The following PBX1 variants were observed in gnomAD, a reference collection of about 807,000 sequenced individuals.
PBX1 encodes the protein pre-B-cell leukemia transcription factor 1.
Under a neutral mutation model 53.4 loss-of-function variants are expected in PBX1, and 6 were observed. The ratio of observed to expected loss-of-function variants is 0.11; its 90% CI spans 0.06 to 0.22. PBX1 has a LOEUF of 0.22. PBX1 is among the 10% of genes least tolerant of loss of function. The pLI, the probability that PBX1 is intolerant of heterozygous loss-of-function variation, is 1.00. For synonymous variants in PBX1, 204 were observed against 212.3 expected (o/e 0.96, Z 0.34); for missense variants, 251 against 551.4 (o/e 0.46, Z 5.46).
rs1223669819 is a variant in PBX1 at position 164,657,972 on chromosome 1, G to C, written c.265+94661G>C. Among the ~76,000 whole-genome samples the C allele has an allele frequency of 2.0e-5, 3 of 152,096 alleles. No homozygotes were observed. The East Asian group carries it at 5.8e-4, about 29-fold the overall frequency. On this transcript the variant is annotated intron_variant, in intron 2 of 8. Coordinates refer to ENST00000420696, the MANE Select transcript of PBX1 (RefSeq NM_002585.4). ...TAGTAGCTTTGGGTATGGCCTCCTA[G>C]CAGCTTCATTGTTATGCCTGTGGGC...
chr1:164,829,559 A>C (rs956144973), intron 8 of PBX1: 2 of 152,206 alleles, frequency 1.3e-5, no homozygotes, highest in African/African-American at 2.4e-5. Flanking sequence ...TCTCACTTAT[A>C]GGTAGGAACT....
At chr1:164,720,565 G>T (rs889699894) in intron 2 of PBX1, among the ~76,000 whole-genome samples, 1 of 152,184 alleles carries the variant, frequency 6.6e-6, no homozygotes, top group African/African-American at 2.4e-5. Flanking sequence ...GAGAACCCTG[G>T]AGGCTTCTGA....
At chr1:164,589,402 C>T (rs1407376038) in intron 2 of PBX1, among the ~76,000 whole-genome samples, 1 of 152,088 alleles carries the variant, frequency 6.6e-6, no homozygotes, top group East Asian at 1.9e-4. Flanking sequence ...GAAAATGATA[C>T]CTGTGGTGTC....
chr1:164,577,869 C>A (rs1358711899), intron 2 of PBX1, among the ~76,000 whole-genome samples: 1 of 152,204 alleles, frequency 6.6e-6, no homozygotes, highest in East Asian at 1.9e-4. Context: ...CCTAGTAACT[C>A]TGGGGGAGAG....
At chr1:164,824,724 C>T (rs1454122033) in intron 8 of PBX1, among the ~76,000 whole-genome samples, 1 of 152,094 alleles carries the variant, frequency 6.6e-6, no homozygotes, top group African/African-American at 2.4e-5. Context: ...TTTGTGTTCT[C>T]ATGTGACAAT....
Position 164,848,935 on chromosome 1 carries a change from T to C in PBX1, c.*2259T>C, listed in dbSNP as rs1349744611. 1 of 1,074,576 alleles carries C rather than the reference T, an allele frequency of 9.3e-7. No homozygotes were observed. Among genetic ancestry groups the C allele is most frequent in the Non-Finnish European group, 1.1e-6 (1 of 885,566 alleles). The allele number at this position is 1,074,576 out of a possible 1,614,324, so 66.6% of individuals were successfully genotyped here. ...TATTTAGCAAAATGAAATTATGCCTTGATGACTAAAAGGCACTAGAAAGGT... is the reference window on the plus strand; with the variant it reads ...TATTTAGCAAAATGAAATTATGCCTCGATGACTAAAAGGCACTAGAAAGGT... On this transcript the variant is annotated 3_prime_UTR_variant, in exon 9 of 9. Coordinates refer to ENST00000420696, the MANE Select transcript of PBX1 (RefSeq NM_002585.4).
intron 2 of PBX1, among the ~76,000 whole-genome samples, chr1:164,882,680 T>G (rs1672688764): frequency 1.3e-5 from 2 of 152,194 alleles, no homozygotes; most frequent in Non-Finnish European, 2.9e-5. Flanking sequence ...CCTCAAGTGA[T>G]CCTCTCATTT....
At chr1:164,730,875 G>A (rs1384822127) in intron 2 of PBX1, among the ~76,000 whole-genome samples, 1 of 152,196 alleles carries the variant, frequency 6.6e-6, no homozygotes, top group Admixed American at 6.5e-5. Context: ...TCACCCATCT[G>A]TAGATGGTGG....
intron 2 of PBX1, among the ~76,000 whole-genome samples, chr1:164,724,222 G>T (rs897265160): frequency 2.0e-5 from 3 of 152,206 alleles, no homozygotes; most frequent in Non-Finnish European, 4.4e-5. Flanking sequence ...CAGTTCAAAA[G>T]GTCGTAAGTC....
chr1:164,611,372 G>C (rs1382703452), intron 2 of PBX1, among the ~76,000 whole-genome samples: 1 of 152,050 alleles, frequency 6.6e-6, no homozygotes, highest in Non-Finnish European at 1.5e-5. Context: ...CGAGTAGCTG[G>C]GACTACAGGC....
At chr1:164,656,235 A>G (rs1557920450) in intron 2 of PBX1, among the ~76,000 whole-genome samples, 1 of 152,204 alleles carries the variant, frequency 6.6e-6, no homozygotes, top group Non-Finnish European at 1.5e-5. Flanking sequence ...ATGTAACTCT[A>G]GCCAGGTAGC....
chr1:164,761,081 G>A (rs1411349997), intron 2 of PBX1, among the ~76,000 whole-genome samples: 1 of 152,136 alleles, frequency 6.6e-6, no homozygotes, highest in Non-Finnish European at 1.5e-5. Flanking sequence ...AGCAGTGACT[G>A]CATGATTTAT....
At chr1:164,830,630 G>C (rs1467015680) in intron 8 of PBX1, among the ~76,000 whole-genome samples, 1 of 152,038 alleles carries the variant, frequency 6.6e-6, no homozygotes, top group African/African-American at 2.4e-5. Flanking sequence ...AATTCTTCAA[G>C]CCCAAGCAGG....
At chr1:164,564,826 T>TA (rs1653318065) in intron 2 of PBX1, among the ~76,000 whole-genome samples, 1 of 151,570 alleles carries the variant, frequency 6.6e-6, no homozygotes, top group Non-Finnish European at 1.5e-5. Context: ...TATATATATA[T>TA]TTATATATAT....
At chr1:164,869,522 G>A (rs571536484) in intron 2 of PBX1, among the ~76,000 whole-genome samples, 9 of 152,294 alleles carry the variant, frequency 5.9e-5, no homozygotes, top group African/African-American at 2.2e-4. Context: ...AGCCAGCCCT[G>A]CTGTCACTCA....
At chr1:164,786,092 G>A (rs935535026) in intron 2 of PBX1, among the ~76,000 whole-genome samples, 2 of 152,198 alleles carry the variant, frequency 1.3e-5, no homozygotes, top group African/African-American at 4.8e-5. Context: ...CTGGAATGCA[G>A]GGGGAAAGAG....
intron 2 of PBX1, among the ~76,000 whole-genome samples, chr1:164,591,564 A>T (rs2101771723): frequency 6.6e-6 from 1 of 152,322 alleles, no homozygotes. Flanking sequence ...TGCATACAAT[A>T]AATGTTCTAA....
At chr1:164,862,043 G>C (rs564389926) in intron 2 of PBX1, among the ~76,000 whole-genome samples, 1 of 152,256 alleles carries the variant, frequency 6.6e-6, no homozygotes, top group East Asian at 1.9e-4. Context: ...GGAATGTTTG[G>C]GATAGAGGAG....
chr1:164,574,950 C>G (rs375758811), intron 2 of PBX1, among the ~76,000 whole-genome samples: 2 of 151,996 alleles, frequency 1.3e-5, no homozygotes, highest in Non-Finnish European at 2.9e-5. Context: ...CCTTTACACT[C>G]CAGCCTGGGC....
Sources: gnomAD v4.1 joint callset for allele counts (sites outside exome capture counted in the v4.1 genomes callset) on GRCh38, gnomAD v4.1.1 for gene constraint, MANE v1.5 for transcripts, NCBI Gene and HGNC (gene_info 2026-07-23, HGNC 2026-07-21) for gene names.